CELA3B: variants seen among roughly 807,000 people sequenced by gnomAD.
CELA3B encodes the protein chymotrypsin-like elastase family member 3B.
In CELA3B, 34 loss-of-function variants were observed where a neutral mutation model predicts 37.2. That is an observed-to-expected ratio of 0.91 (90% CI 0.70 to 1.22). The LOEUF (loss-of-function observed/expected upper bound fraction) is 1.22, where lower values mean the gene tolerates loss of function less well. Ranked by LOEUF, CELA3B falls within the 50% of genes most tolerant of loss-of-function variation. The probability of loss-of-function intolerance (pLI) is 0.00; values close to 1 mark genes in which losing one functional copy is unlikely to be tolerated. For synonymous variants in CELA3B, 127 were observed against 143.5 expected (o/e 0.89, Z 0.82); for missense variants, 340 against 363.1 (o/e 0.94, Z 0.52).
At chr1:21,993,461 C>CAAAA (rs58752734), downstream of CELA3B, among the ~76,000 whole-genome samples, 33 of 81,636 alleles carry the variant, frequency 4.0e-4, no homozygotes, top group Non-Finnish European at 5.1e-4. Flanking sequence ...ACCTCCTCTC[C>CAAAA]AAAAAAAAAA....
intron 4 of CELA3B, 61 bp downstream of exon 4, chr1:21,981,233 A>C: frequency 6.4e-7 from 1 of 1,564,394 alleles, no homozygotes; most frequent in South Asian, 1.1e-5. Flanking sequence ...CATGACCCAC[A>C]GCCAAGTCTG....
rs1361598157 is a variant in CELA3B at position 21,977,097 on chromosome 1, T to C, written c.43+15T>C. 1.2e-6 allele frequency: 2 copies of C among 1,613,972 alleles called. No individual in the cohort carries two copies. The highest frequency in any genetic ancestry group is 1.7e-6 in the Non-Finnish European group (2 of 1,180,000). ...TGTGGCCGTTGGTAAGACCCCAACCTGTGTGTGTGCTCCCTGGGCTGCCCT... is the reference window on the plus strand; with the variant it reads ...TGTGGCCGTTGGTAAGACCCCAACCCGTGTGTGTGCTCCCTGGGCTGCCCT... On this transcript the variant is annotated intron_variant, in intron 1 of 7. Coordinates refer to ENST00000337107, the MANE Select transcript of CELA3B (RefSeq NM_007352.4).
At chr1:21,991,973 A>G (rs561440432), downstream of CELA3B, among the ~76,000 whole-genome samples, 81 of 141,506 alleles carry the variant, frequency 5.7e-4, no homozygotes, top group Middle Eastern at 3.4e-3. Context: ...ATACAAAATT[A>G]GGCAGGTGTG....
chr1:21,986,504 C>G (rs1419970185), intron 6 of CELA3B, 27 bp from the exon 7 acceptor site: 1 of 1,609,738 alleles, frequency 6.2e-7, no homozygotes, highest in Non-Finnish European at 8.5e-7. Context: ...CATGGCTCAG[C>G]CACCCACACC....
chr1:21,998,288 C>A (rs976957433), exon 5 of CELA3B: 12 of 456,562 alleles, frequency 2.6e-5, no homozygotes, highest in Non-Finnish European at 5.5e-5. Context: ...CTCATATTTT[C>A]CAATCCCATC....
intron 4 of CELA3B, among the ~76,000 whole-genome samples, chr1:21,981,746 GA>G (rs1159312676): frequency 6.8e-6 from 1 of 147,042 alleles, no homozygotes; most frequent in Non-Finnish European, 1.5e-5. Flanking sequence ...TTTTTTTTGA[GA>G]TGCAGTCTCG....
intron 7 of CELA3B, among the ~76,000 whole-genome samples, chr1:21,987,280 C>T (rs1644844816): frequency 6.6e-6 from 1 of 151,538 alleles, no homozygotes; most frequent in Admixed American, 6.6e-5. Context: ...TGGTGAAACC[C>T]TGTCTCTACT....
At chr1:21,989,121 A>G in intron 7 of CELA3B, 141 bp from the exon 8 acceptor site, 1 of 1,509,912 alleles carries the variant, frequency 6.6e-7, no homozygotes, top group African/African-American at 1.4e-5. Flanking sequence ...CCTACTACAT[A>G]GAGGAGGAAA....
At chr1:21,988,013 C>T (rs1644849511) in intron 7 of CELA3B, 1 of 147,658 alleles carries the variant, frequency 6.8e-6, no homozygotes, top group Non-Finnish European at 1.5e-5. Flanking sequence ...GAGTTCAAGA[C>T]CAGCCTGGCC....
At chr1:21,995,361 A>C (rs1323730965) in intron 4 of CELA3B, among the ~76,000 whole-genome samples, 1 of 150,848 alleles carries the variant, frequency 6.6e-6, no homozygotes, top group African/African-American at 2.5e-5. Flanking sequence ...GCTGGTCTTG[A>C]ACTACTGACC....
chr1:21,983,186 C>G (rs1277701562), intron 4 of CELA3B, among the ~76,000 whole-genome samples: 1 of 152,010 alleles, frequency 6.6e-6, no homozygotes, highest in Admixed American at 6.6e-5. Flanking sequence ...CCCGTCTCTA[C>G]TAAAAATAAT....
chr1:21,989,329 A>G lies in CELA3B; in HGVS notation c.*50A>G. The G allele has an allele frequency of 2.9e-6, 4 of 1,364,256 alleles. No homozygotes were observed. The highest frequency in any genetic ancestry group is 4.1e-6 in the Non-Finnish European group (4 of 969,940). 84.5% of individuals were successfully genotyped at this position (1,364,256 alleles called of 1,614,324 possible). On this transcript the variant is annotated 3_prime_UTR_variant, in exon 8 of 8. Transcript: ENST00000337107. ...GATCGATCCCACATCCTGAATAAAG[A>G]ATAAAGATCTCTCAGAAAATTCCAA...
At chr1:21,997,047 G>T (rs572658328) in intron 4 of CELA3B, among the ~76,000 whole-genome samples, 1 of 151,488 alleles carries the variant, frequency 6.6e-6, no homozygotes, top group African/African-American at 2.4e-5. Context: ...GAGAAGAGGA[G>T]TAAGTGCTCC....
downstream of CELA3B, among the ~76,000 whole-genome samples, chr1:21,991,428 C>A (rs1158358308): frequency 6.7e-6 from 1 of 149,450 alleles, no homozygotes; most frequent in African/African-American, 2.5e-5. Flanking sequence ...CTCTGCCTCC[C>A]GGGTTCAAGC....
downstream of CELA3B, among the ~76,000 whole-genome samples, chr1:21,993,461 C>CAAAAA (rs58752734): frequency 1.2e-5 from 1 of 81,658 alleles, no homozygotes; most frequent in Non-Finnish European, 2.6e-5. Flanking sequence ...ACCTCCTCTC[C>CAAAAA]AAAAAAAAAA....
rs7538207 is a variant in CELA3B, at chr1:21,984,181, C to T, written c.500-8C>T. 0.96 allele frequency: 1,540,393 copies of T among 1,611,440 alleles called. 739,703 individuals are homozygous for T. The highest frequency in any genetic ancestry group is 0.98 in the Non-Finnish European group (1,151,843 of 1,178,620). On this transcript the variant is annotated splice_region_variant and splice_polypyrimidine_tract_variant and intron_variant, in intron 5 of 7. Coordinates refer to ENST00000337107, the MANE Select transcript of CELA3B (RefSeq NM_007352.4). Reference sequence around the variant, plus strand: ...AGACCCCTGACTCGGTGCTTTTTATCGCTGCAGCCAACGGGCCACTCCCAG... The same window carrying T: ...AGACCCCTGACTCGGTGCTTTTTATTGCTGCAGCCAACGGGCCACTCCCAG...
intron 4 of CELA3B, among the ~76,000 whole-genome samples, chr1:21,997,107 C>A (rs147852623): frequency 0.012 from 1,778 of 151,278 alleles, 115 homozygotes; most frequent in African/African-American, 0.041. Flanking sequence ...CGCCTGTAAT[C>A]CTGGCATTTT....
chr1:21,977,252 GGA>G (rs1225383829), intron 1 of CELA3B, among the ~76,000 whole-genome samples, 170 bp downstream of exon 1: 1 of 152,140 alleles, frequency 6.6e-6, no homozygotes, highest in Non-Finnish European at 1.5e-5. Flanking sequence ...TGATGGAGCA[GGA>G]GAGTGGAGGG....
chr1:21,983,367 A>T (rs1387719486), intron 4 of CELA3B, among the ~76,000 whole-genome samples: 3 of 149,702 alleles, frequency 2.0e-5, no homozygotes, highest in Non-Finnish European at 3.0e-5. Context: ...AAAAAAAAAT[A>T]AAAAAATTTG....
Sources: gnomAD v4.1 joint callset for allele counts (sites outside exome capture counted in the v4.1 genomes callset) on GRCh38, gnomAD v4.1.1 for gene constraint, MANE v1.5 for transcripts, NCBI Gene and HGNC (gene_info 2026-07-23, HGNC 2026-07-21) for gene names.